RNF13: variants seen among roughly 807,000 people sequenced by gnomAD.
RNF13 encodes the protein E3 ubiquitin-protein ligase RNF13.
In RNF13, 19 loss-of-function variants were observed where a neutral mutation model predicts 37.7. That is an observed-to-expected ratio of 0.50 (90% confidence interval 0.35 to 0.74). RNF13 has a LOEUF of 0.74. Ranked by LOEUF, RNF13 falls within the 30% of genes least tolerant of loss-of-function variation. The pLI is 0.01. For missense variants in RNF13, 375 were observed against 453.0 expected (o/e 0.83, Z 1.56); for synonymous variants, 144 against 157.8 (o/e 0.91, Z 0.65).
intron 9 of RNF13, among the ~76,000 whole-genome samples, chr3:149,960,434 A>G (rs1722282137): frequency 6.6e-6 from 1 of 152,054 alleles, no homozygotes; most frequent in Non-Finnish European, 1.5e-5. Context: ...TACTAAAAAT[A>G]CAAAAAATTA....
upstream of RNF13, chr3:149,813,095 A>T (rs553206503): frequency 6.6e-6 from 1 of 152,410 alleles, no homozygotes; most frequent in South Asian, 2.1e-4. Flanking sequence ...GGGCTAGAGC[A>T]AGTAGCGAGA....
At chr3:149,833,986 T>C (rs960083075) in intron 1 of RNF13, among the ~76,000 whole-genome samples, 1 of 152,002 alleles carries the variant, frequency 6.6e-6, no homozygotes, top group African/African-American at 2.4e-5. Context: ...CAGCGAACTA[T>C]CCAAAAAGGA....
intron 4 of RNF13, among the ~76,000 whole-genome samples, chr3:149,889,293 G>A (rs528394998): frequency 3.1e-3 from 6 of 1,948 alleles, no homozygotes; most frequent in Non-Finnish European, 6.0e-3. Context: ...TTGAGTGTGC[G>A]TGTGTGTGTG....
At chr3:149,835,625 GTAT>G (rs1377246731) in intron 1 of RNF13, among the ~76,000 whole-genome samples, 1 of 143,590 alleles carries the variant, frequency 7.0e-6, no homozygotes, top group Non-Finnish European at 1.5e-5. Context: ...TGGCTGCGTA[GTAT>G]TCCATTGTGT....
intron 4 of RNF13, among the ~76,000 whole-genome samples, chr3:149,878,116 C>G (rs906778743): frequency 8.5e-5 from 13 of 152,222 alleles, no homozygotes; most frequent in African/African-American, 2.9e-4. Flanking sequence ...ATTTATGTAT[C>G]TATTCCCCAA....
chr3:149,855,795 C>T (rs1723593636), intron 3 of RNF13, among the ~76,000 whole-genome samples: 1 of 152,018 alleles, frequency 6.6e-6, no homozygotes, highest in South Asian at 2.1e-4. Context: ...TAGGAGAATA[C>T]TTATCTCCCT....
chr3:149,904,825 A>G (rs939422021), intron 6 of RNF13, among the ~76,000 whole-genome samples: 2 of 152,170 alleles, frequency 1.3e-5, no homozygotes, highest in African/African-American at 4.8e-5. Flanking sequence ...AAAAATATGT[A>G]GGAAAATATA....
intron 3 of RNF13, among the ~76,000 whole-genome samples, chr3:149,861,720 A>G (rs1247748457): frequency 6.6e-6 from 1 of 152,146 alleles, no homozygotes; most frequent in African/African-American, 2.4e-5. Context: ...GTTTGATAAC[A>G]GAGTAGGGTG....
At chr3:149,839,789 G>T (rs1423018197) in intron 1 of RNF13, among the ~76,000 whole-genome samples, 1 of 152,100 alleles carries the variant, frequency 6.6e-6, no homozygotes, top group African/African-American at 2.4e-5. Flanking sequence ...TAATATCTGG[G>T]CCATATTTCC....
intron 4 of RNF13, among the ~76,000 whole-genome samples, chr3:149,875,534 A>C (rs1447923228): frequency 6.6e-6 from 1 of 152,200 alleles, no homozygotes; most frequent in Non-Finnish European, 1.5e-5. Flanking sequence ...TTGTGACTCA[A>C]AGATAGCCAC....
intron 1 of RNF13, among the ~76,000 whole-genome samples, chr3:149,832,661 AGAGAG>A (rs1721181440): frequency 1.3e-5 from 2 of 152,208 alleles, no homozygotes; most frequent in Admixed American, 6.5e-5. Flanking sequence ...AAAGAAAACA[AGAGAG>A]GAGACTCAAC....
intron 8 of RNF13, among the ~76,000 whole-genome samples, chr3:149,941,751 C>T (rs1266169251): frequency 6.6e-6 from 1 of 151,716 alleles, no homozygotes; most frequent in Admixed American, 6.6e-5. Context: ...ACTTCCAAGA[C>T]ATAATTCTCA....
intron 3 of RNF13, among the ~76,000 whole-genome samples, chr3:149,858,769 A>AT (rs1360554600): frequency 6.6e-6 from 1 of 152,202 alleles, no homozygotes; most frequent in Non-Finnish European, 1.5e-5. Context: ...ATGATGTATA[A>AT]TTTATTTCCC....
intron 8 of RNF13, among the ~76,000 whole-genome samples, chr3:149,928,922 G>T (rs746916238): frequency 5.1e-4 from 78 of 152,064 alleles, no homozygotes; most frequent in Non-Finnish European, 1.0e-3. Flanking sequence ...GCATTTTATT[G>T]TTTTAGATAC....
intron 1 of RNF13, among the ~76,000 whole-genome samples, chr3:149,837,765 T>C (rs955394701): frequency 4.6e-5 from 7 of 151,382 alleles, no homozygotes; most frequent in African/African-American, 1.5e-4. Context: ...ACCATGTCAT[T>C]CTGCCCTGGC....
At chr3:149,871,146 A>G (rs1340876508) in intron 3 of RNF13, among the ~76,000 whole-genome samples, 1 of 147,518 alleles carries the variant, frequency 6.8e-6, no homozygotes, top group East Asian at 2.0e-4. Context: ...GGTTCAAGCC[A>G]TTCTCCTGCC....
intron 3 of RNF13, among the ~76,000 whole-genome samples, chr3:149,863,843 A>T (rs1414794306): frequency 1.3e-5 from 2 of 152,160 alleles, no homozygotes; most frequent in Non-Finnish European, 2.9e-5. Context: ...TTTGTCAAAT[A>T]CTATAGAATA....
At chr3:149,887,711 T>C (rs937416113) in intron 4 of RNF13, among the ~76,000 whole-genome samples, 3 of 152,206 alleles carry the variant, frequency 2.0e-5, no homozygotes, top group Non-Finnish European at 2.9e-5. Flanking sequence ...ACACTCTCTC[T>C]TCTCTCCTCT....
chr3:149,836,606 A>G (rs1721647211), intron 1 of RNF13, among the ~76,000 whole-genome samples: 1 of 152,114 alleles, frequency 6.6e-6, no homozygotes, highest in African/African-American at 2.4e-5. Context: ...ACTTTGGAAA[A>G]TGGTATGGCA....
Sources: allele counts gnomAD v4.1 joint callset (sites outside exome capture counted in the v4.1 genomes callset), GRCh38; gene constraint gnomAD v4.1.1; transcripts MANE v1.5; gene names NCBI Gene and HGNC (gene_info 2026-07-23, HGNC 2026-07-21).